PRRG4: variants seen among roughly 807,000 people sequenced by gnomAD.
PRRG4 encodes the protein proline rich and Gla domain 4.
PRRG4 carries 12 observed loss-of-function variants against 20.0 expected under a neutral mutation model. The observed-to-expected ratio is 0.60, with a 90% confidence interval of 0.38 to 0.97. The LOEUF is 0.97. Among genes scored for constraint, PRRG4 ranks in the 50% least tolerant of loss-of-function variants. The probability of loss-of-function intolerance (pLI) is 0.00; values close to 1 mark genes in which losing one functional copy is unlikely to be tolerated. For synonymous variants in PRRG4, 94 were observed against 96.4 expected, an observed-to-expected ratio of 0.98 and a Z score of 0.15; for missense variants, 199 against 265.1, an observed-to-expected ratio of 0.75 and a Z score of 1.73.
chr11:32,841,189 TATG>T (rs1054218263), intron 5 of PRRG4, among the ~76,000 whole-genome samples: 4 of 152,198 alleles, frequency 2.6e-5, no homozygotes, highest in African/African-American at 9.6e-5. Context: ...TACTTTCTTT[TATG>T]ATAACGATCA....
intron 2 of PRRG4, among the ~76,000 whole-genome samples, chr11:32,832,088 T>G (rs1442476015): frequency 6.6e-6 from 1 of 152,158 alleles, no homozygotes; most frequent in Admixed American, 6.5e-5. Flanking sequence ...TACTTGAGTG[T>G]GGAGGGCTGG....
intron 5 of PRRG4, among the ~76,000 whole-genome samples, chr11:32,841,068 A>T (rs1423633071): frequency 7.1e-6 from 1 of 141,728 alleles, no homozygotes; most frequent in Non-Finnish European, 1.5e-5. Context: ...AAACAATCTT[A>T]TTAAAAAAAA....
In PRRG4 at chr11:32,835,848, A is replaced by T. The variant is rs1472135333; in HGVS notation, c.104-810A>T. On this transcript the variant is annotated intron_variant, in intron 2 of 5. Coordinates refer to ENST00000257836, the MANE Select transcript of PRRG4 (RefSeq NM_024081.6). ...GCCAGGCACGGTGGCTTACACCTGT[A>T]ATCCCAGCACTTTGGGAGGCTCAGG... Among the ~76,000 whole-genome samples the T allele has an allele frequency of 2.6e-5, 4 of 152,190 alleles. No homozygotes were observed. The South Asian group carries it at 6.2e-4, about 24-fold the overall frequency.
chr11:32,843,404 A>T (rs1014625757), intron 5 of PRRG4, among the ~76,000 whole-genome samples: 6 of 151,966 alleles, frequency 3.9e-5, no homozygotes, highest in Admixed American at 1.3e-4. Flanking sequence ...TTTGGTATGT[A>T]AAACTCCAGA....
intron 5 of PRRG4, among the ~76,000 whole-genome samples, chr11:32,848,619 T>C (rs1851151817): frequency 6.6e-6 from 1 of 151,344 alleles, no homozygotes; most frequent in South Asian, 2.1e-4. Flanking sequence ...TGTATACATA[T>C]ATATATATAT....
chr11:32,852,637 C>G (rs1228204284), intron 5 of PRRG4, among the ~76,000 whole-genome samples: 1 of 152,056 alleles, frequency 6.6e-6, no homozygotes, highest in African/African-American at 2.4e-5. Flanking sequence ...TAGAAGCTTT[C>G]CATGCATCTT....
At position 32,853,418 on chromosome 11, in the gene PRRG4, AG is replaced by A; in HGVS notation, c.574del (p.Ala192GlnfsTer4). On this transcript the variant is annotated frameshift_variant, in exon 6 of 6. Transcript: ENST00000257836. LOFTEE classifies it high-confidence loss of function. ...VEDAGLPSYE[Q>X]AVALTRKHSV... ...GATGCAGGATTACCTTCTTATGAACAGGCAGTGGCGCTGACCAGAAAACACA... is the reference window on the plus strand; with the variant it reads ...GATGCAGGATTACCTTCTTATGAACAGCAGTGGCGCTGACCAGAAAACACA... 1 of 1,614,156 alleles carries A rather than the reference AG, an allele frequency of 6.2e-7. No homozygotes were observed. The highest frequency in any genetic ancestry group is 1.3e-5 in the African/African-American group (1 of 75,026).
intron 4 of PRRG4, 108 bp from the exon 5 acceptor site, chr11:32,839,999 A>G (rs974142047): frequency 1.4e-5 from 10 of 698,532 alleles, no homozygotes; most frequent in Non-Finnish European, 2.2e-5. Flanking sequence ...GTCAACATCA[A>G]TGATTAGATG....
At chr11:32,851,383 C>T (rs1402361563) in intron 5 of PRRG4, among the ~76,000 whole-genome samples, 1 of 152,140 alleles carries the variant, frequency 6.6e-6, no homozygotes, top group Non-Finnish European at 1.5e-5. Context: ...TAGAACTTTT[C>T]ATCATGAGCT....
In PRRG4 at chr11:32,830,093, C is replaced by G. The variant is rs61889488; in HGVS notation, c.-103C>G. On this transcript the variant is annotated 5_prime_UTR_variant, in exon 1 of 6. Coordinates refer to ENST00000257836, the MANE Select transcript of PRRG4 (RefSeq NM_024081.6). The stretch of plus-strand genomic sequence containing the variant: ...GCCGAGGTTTGAGGGCGCCGGAGAC[C>G]GAGGGCCTGGCGGCCGAAGGAACCG... The G allele has an allele frequency of 0.073, 72,534 of 990,548 alleles. 2,955 individuals are homozygous for G. The highest frequency in any genetic ancestry group is 0.078 in the Non-Finnish European group (65,316 of 833,706). The allele number at this position is 990,548 out of a possible 1,614,324, so 61.4% of individuals were successfully genotyped here.
At chr11:32,841,698 T>G (rs1565115326) in intron 5 of PRRG4, among the ~76,000 whole-genome samples, 1 of 152,100 alleles carries the variant, frequency 6.6e-6, no homozygotes, top group African/African-American at 2.4e-5. Context: ...TAGTCTCATC[T>G]GCTTGTGGGG....
chr11:32,839,445 A>C (rs1314600812), intron 4 of PRRG4, among the ~76,000 whole-genome samples: 1 of 151,928 alleles, frequency 6.6e-6, no homozygotes, highest in Non-Finnish European at 1.5e-5. Flanking sequence ...CCTCCATGGC[A>C]GGTTATGTTG....
chr11:32,838,796 A>C, intron 3 of PRRG4, 86 bp from the exon 4 acceptor site: 1 of 942,908 alleles, frequency 1.1e-6, no homozygotes, highest in South Asian at 1.4e-5. Flanking sequence ...CCAAGAGTTT[A>C]CTACCCCTAG....
At position 32,840,376 on chromosome 11, in the gene PRRG4, T is replaced by C; in HGVS notation, c.449+137T>C. 1 of 642,298 alleles carries C rather than the reference T, an allele frequency of 1.6e-6. No homozygotes were observed. Among genetic ancestry groups the C allele is most frequent in the East Asian group, 2.7e-5 (1 of 37,560 alleles). 39.8% of individuals were successfully genotyped at this position (642,298 alleles called of 1,614,324 possible). A position where few individuals can be genotyped will look rare whatever the true frequency, so the allele number is the denominator to read the frequency against. On this transcript the variant is annotated intron_variant, in intron 5 of 5. Transcript: ENST00000257836. The surrounding 1 kb of genome is among the most constrained non-coding windows in gnomAD (Gnocchi z 4.1). Reference sequence around the variant, plus strand: ...AAGAATTTTAGATGTATAGGGAAGTTGCAAAGGTTAATACAGAGAGTTCCC... The same window carrying C: ...AAGAATTTTAGATGTATAGGGAAGTCGCAAAGGTTAATACAGAGAGTTCCC...
At chr11:32,851,793 G>T (rs1052710829) in intron 5 of PRRG4, among the ~76,000 whole-genome samples, 4 of 152,116 alleles carry the variant, frequency 2.6e-5, no homozygotes, top group Middle Eastern at 3.4e-3. Context: ...TACATAGTAG[G>T]TATATATATT....
At chr11:32,838,790 G>C in intron 3 of PRRG4, 92 bp from the exon 4 acceptor site, 1 of 879,992 alleles carries the variant, frequency 1.1e-6, no homozygotes. Flanking sequence ...TGCATGCCAA[G>C]AGTTTACTAC....
intron 4 of PRRG4, among the ~76,000 whole-genome samples, chr11:32,839,761 AT>A (rs1253724170): frequency 2.7e-5 from 4 of 146,632 alleles, no homozygotes; most frequent in Admixed American, 6.9e-5. Context: ...TATTTTGAAT[AT>A]TATTAAAATA....
chr11:32,844,996 A>G (rs910493184), intron 5 of PRRG4, among the ~76,000 whole-genome samples: 6 of 152,220 alleles, frequency 3.9e-5, no homozygotes, highest in African/African-American at 1.2e-4. Flanking sequence ...ATCAGAAAGT[A>G]TTATATTGCA....
At chr11:32,848,600 A>G (rs532929117) in intron 5 of PRRG4, among the ~76,000 whole-genome samples, 96 of 151,378 alleles carry the variant, frequency 6.3e-4, no homozygotes, top group African/African-American at 2.2e-3. Context: ...TGTATATAAT[A>G]TGTGTATATG....
Sources: allele counts gnomAD v4.1 joint callset (sites outside exome capture counted in the v4.1 genomes callset), GRCh38; gene constraint gnomAD v4.1.1; non-coding constraint Gnocchi (gnomAD v3.1); transcripts MANE v1.5; gene names NCBI Gene and HGNC (gene_info 2026-07-23, HGNC 2026-07-21).